Variants in APOD observed in about 807,000 individuals in gnomAD.
The protein encoded by APOD is apo-D.
APOD carries 22 observed loss-of-function variants against 20.4 expected under a neutral mutation model. The observed-to-expected ratio is 1.08, with a 90% confidence interval of 0.77 to 1.54. The LOEUF is 1.54. Ranked by LOEUF, APOD falls within the 40% of genes most tolerant of loss-of-function variation. APOD has a pLI of 0.00. For missense variants in APOD, 223 were observed against 229.6 expected, an observed-to-expected ratio of 0.97 and a Z score of 0.19; for synonymous variants, 97 against 92.4, an observed-to-expected ratio of 1.05 and a Z score of -0.29.
rs529336202 is a variant in APOD at position 195,571,421 on chromosome 3, A to C, written c.246-56T>G. On this transcript the variant is annotated intron_variant, in intron 3 of 4. Transcript: ENST00000343267. The stretch of plus-strand genomic sequence containing the variant: ...AAAAACGAAAAGAGAAAAGAAAAAC[A>C]ACTCATTGAAAGCCAATAAGCAACG... The C allele has an allele frequency of 3.3e-6, 5 of 1,507,674 alleles. No individual in the cohort carries two copies. In the South Asian group the frequency reaches 5.8e-5, roughly 18 times the overall value. The allele number at this position is 1,507,674 out of a possible 1,614,324, so 93.4% of individuals were successfully genotyped here. A position where few individuals can be genotyped will look rare whatever the true frequency, so the allele number is the denominator to read the frequency against.
intron 1 of APOD, among the ~76,000 whole-genome samples, chr3:195,582,087 G>A (rs1001718991): frequency 2.6e-4 from 40 of 152,068 alleles, no homozygotes; most frequent in Admixed American, 7.9e-4. Context: ...GCCTGTAATC[G>A]GGAGGCTGAG....
chr3:195,581,382 C>A (rs866350401), intron 1 of APOD, among the ~76,000 whole-genome samples: 7 of 152,244 alleles, frequency 4.6e-5, no homozygotes, highest in Admixed American at 4.6e-4. Flanking sequence ...TAAACCCACA[C>A]AAATTTGCAT....
At chr3:195,575,318 G>T (rs1010653393) in intron 2 of APOD, among the ~76,000 whole-genome samples, 1 of 152,296 alleles carries the variant, frequency 6.6e-6, no homozygotes, top group South Asian at 2.1e-4. Flanking sequence ...GATAATCAAG[G>T]CTAATCTGGC....
At chr3:195,573,805 A>G (rs1568566) in intron 3 of APOD, 45 bp downstream of exon 3, 1,341,284 of 1,603,624 alleles carry the variant, frequency 0.84, 564,026 homozygotes, top group East Asian at 1. Flanking sequence ...GTCACTCTGC[A>G]TCAGCACTCC....
intron 4 of APOD, among the ~76,000 whole-genome samples, chr3:195,569,421 C>G (rs575389131): frequency 5.3e-5 from 8 of 152,204 alleles, no homozygotes; most frequent in Admixed American, 3.9e-4. Context: ...AGTCATCACC[C>G]ATCTGCACAT....
intron 2 of APOD, among the ~76,000 whole-genome samples, chr3:195,576,091 TTTCAATTAAAGCC>T (rs1720243569): frequency 6.6e-6 from 1 of 152,170 alleles, no homozygotes. Context: ...AAAGCACAGC[TTTCAATTAAAGCC>T]ACTGAACTTA....
intron 4 of APOD, 142 bp downstream of exon 4, chr3:195,571,135 T>A: frequency 1.3e-6 from 1 of 772,878 alleles, no homozygotes; most frequent in Non-Finnish European, 2.3e-6. Context: ...GCGTGACATG[T>A]AGTAAGTGTT....
At chr3:195,580,576 G>A (rs758073760) in intron 1 of APOD, among the ~76,000 whole-genome samples, 3 of 151,780 alleles carry the variant, frequency 2.0e-5, no homozygotes, top group Non-Finnish European at 4.4e-5. Flanking sequence ...GGCTAATTTT[G>A]GTATTTTTAG....
In APOD at chr3:195,573,900, G is replaced by C; in HGVS notation, c.195C>G (p.Asn65Lys). 1 of 1,614,174 alleles carries C rather than the reference G, an allele frequency of 6.2e-7. No individual in the cohort carries two copies. Residue 65 changes from asparagine to lysine, a missense_variant, in exon 3 of 5, where the codon AAC becomes AAG. By Grantham distance (94) the Asn-to-Lys change is moderately conservative. Coordinates refer to ENST00000343267, the MANE Select transcript of APOD (RefSeq NM_001647.4). ...TCTTTCCGTTTTCCATTAGTGAGTA[G>C]TTGGCCTGGATGCAGCGTCCATTCT... The part of the protein sequence containing the change: ...TFENGRCIQA[N>K]YSLMENGKIK...
At chr3:195,576,764 G>A (rs1465115652) in intron 2 of APOD, among the ~76,000 whole-genome samples, 2 of 151,926 alleles carry the variant, frequency 1.3e-5, no homozygotes, top group East Asian at 3.9e-4. Context: ...GAGCTGAGAT[G>A]GTGCCACTAC....
At position 195,579,432 on chromosome 3, in the gene APOD, T is replaced by C; in HGVS notation, c.30A>G (p.Ala10=). Residue 10 remains alanine, a synonymous_variant, in exon 2 of 5, where the codon GCA becomes GCG. Transcript: ENST00000343267. ...CTGCCGCACCGAAGAGGCCAGCCAG[T>C]GCGGAAAGCAGCAGCAGCAGCATCA... is the stretch of plus-strand genomic sequence containing the variant. MVMLLLLLS[A]LAGLFGAAEG... is the part of the protein sequence containing the mutation. 1 of 1,613,942 alleles carries C rather than the reference T, an allele frequency of 6.2e-7. No individual in the cohort carries two copies. The highest frequency in any genetic ancestry group is 8.5e-7 in the Non-Finnish European group (1 of 1,180,018).
chr3:195,569,805 T>TTTG (rs1720128817), intron 4 of APOD, among the ~76,000 whole-genome samples: 1 of 135,746 alleles, frequency 7.4e-6, no homozygotes, highest in Non-Finnish European at 1.6e-5. Context: ...TTTTTTTTTT[T>TTTG]TTTTTTTTTT....
chr3:195,580,264 C>T (rs1230839763), intron 1 of APOD, among the ~76,000 whole-genome samples: 1 of 151,982 alleles, frequency 6.6e-6, no homozygotes, highest in Non-Finnish European at 1.5e-5. Flanking sequence ...GTGTCTGATA[C>T]AGAGTAAATG....
intron 3 of APOD, among the ~76,000 whole-genome samples, chr3:195,571,795 T>C (rs1321655927): frequency 6.6e-6 from 1 of 152,116 alleles, no homozygotes; most frequent in East Asian, 1.9e-4. Flanking sequence ...TTTTTTTTTT[T>C]TGGAGATGGA....
In APOD at chr3:195,569,092, C is replaced by G. The variant is rs998551306; in HGVS notation, c.378G>C (p.Glu126Asp). 7 of 1,613,996 alleles carry G rather than the reference C, an allele frequency of 4.3e-6. No individual in the cohort carries two copies. In the African/African-American group the frequency reaches 9.3e-5, roughly 22 times the overall value. ...TACAGGAATACACGAGGGCATAGTT[C>G]TCATAGTCGGTGGCCAGGATCCAGT... ...APYWILATDY[E>D]NYALVYSCTC... is the part of the protein sequence containing the mutation. The change falls in exon 5 of 5, where the codon GAG becomes GAC. Residue 126 changes from glutamate to aspartate, a missense_variant. Glu to Asp is a conservative substitution (Grantham distance 45). Transcript: ENST00000343267.
Position 195,579,357 on chromosome 3 carries a change from C to A in APOD, c.105G>T (p.Glu35Asp). The A allele has an allele frequency of 6.2e-7, 1 of 1,614,258 alleles. No individual in the cohort carries two copies. The highest frequency in any genetic ancestry group is 8.5e-7 in the Non-Finnish European group (1 of 1,180,046). ...CTTTTACCTTATTCACGTCAAAATT[C>A]TCCTGCACCGGAGGATTGGGGCACT... ...LGKCPNPPVQ[E>D]NFDVNKYLGR... Residue 35 changes from glutamate to aspartate, a missense_variant, in exon 2 of 5, where the codon GAG becomes GAT. Glu to Asp is a conservative substitution (Grantham distance 45). Coordinates refer to ENST00000343267, the MANE Select transcript of APOD (RefSeq NM_001647.4).
intron 2 of APOD, among the ~76,000 whole-genome samples, chr3:195,574,291 A>G (rs1277245269): frequency 6.6e-6 from 1 of 152,218 alleles, no homozygotes; most frequent in Non-Finnish European, 1.5e-5. Context: ...CAATTCTACA[A>G]GTCATCTTTG....
chr3:195,574,160 AG>A (rs1720213094), intron 2 of APOD, among the ~76,000 whole-genome samples, 189 bp from the exon 3 acceptor site: 1 of 152,142 alleles, frequency 6.6e-6, no homozygotes, highest in African/African-American at 2.4e-5. Flanking sequence ...ATGTGCGGGC[AG>A]GGGGTGAATG....
chr3:195,572,908 G>A (rs1406557466), intron 3 of APOD, among the ~76,000 whole-genome samples: 2 of 152,082 alleles, frequency 1.3e-5, no homozygotes, highest in Admixed American at 6.5e-5. Flanking sequence ...TAGTGGTGAC[G>A]GATGTCCTAG....
Sources: allele counts gnomAD v4.1 joint callset (sites outside exome capture counted in the v4.1 genomes callset), GRCh38; gene constraint gnomAD v4.1.1; transcripts MANE v1.5; gene names NCBI Gene and HGNC (gene_info 2026-07-23, HGNC 2026-07-21).